CNTN5: variants seen among roughly 807,000 people sequenced by gnomAD.
CNTN5 encodes contactin-5.
CNTN5 carries 77 observed loss-of-function variants against 129.1 expected under a neutral mutation model. That is an observed-to-expected ratio of 0.60 (90% CI 0.50 to 0.72). The LOEUF is 0.72. Among genes scored for constraint, CNTN5 ranks in the 30% least tolerant of loss-of-function variants. The probability of loss-of-function intolerance (pLI) is 0.00; values close to 1 mark genes in which losing one functional copy is unlikely to be tolerated. For missense variants in CNTN5, 1,478 were observed against 1,328.8 expected (o/e 1.11, Z -1.75); for synonymous variants, 509 against 465.6 (o/e 1.09, Z -1.20).
chr11:100,264,078 G>GTA (rs1303454350), intron 17 of CNTN5, among the ~76,000 whole-genome samples: 91 of 151,700 alleles, frequency 6.0e-4, no homozygotes, highest in African/African-American at 2.1e-3. Context: ...ACATATGTGT[G>GTA]TATATATATA....
chr11:99,937,700 T>A (rs1476196092), intron 7 of CNTN5, among the ~76,000 whole-genome samples: 1 of 152,160 alleles, frequency 6.6e-6, no homozygotes, highest in East Asian at 1.9e-4. Context: ...ACATGAACTC[T>A]CTCTCAGCCT....
Position 100,151,791 on chromosome 11 carries a change from T to C in CNTN5, c.1581-39335T>C, listed in dbSNP as rs544183683. ...AAGACTGACTGCTACTTATACTTTTTTTGTATACTTAAAGTATTTTGAAAT... is the reference window on the plus strand; with the variant it reads ...AAGACTGACTGCTACTTATACTTTTCTTGTATACTTAAAGTATTTTGAAAT... On this transcript the variant is annotated intron_variant, in intron 13 of 24. Coordinates refer to ENST00000524871, the MANE Select transcript of CNTN5 (RefSeq NM_014361.4). Among the ~76,000 whole-genome samples, 9 of 152,314 alleles carry C rather than the reference T, an allele frequency of 5.9e-5. No homozygotes were observed. The East Asian group carries it at 1.7e-3, about 29-fold the overall frequency.
chr11:99,099,121 C>T (rs1024372131), intron 1 of CNTN5, among the ~76,000 whole-genome samples: 1 of 152,078 alleles, frequency 6.6e-6, no homozygotes, highest in Non-Finnish European at 1.5e-5. Context: ...ATGTCAATTA[C>T]ATTGCACAGA....
chr11:99,832,409 T>A (rs1254623648), intron 4 of CNTN5, among the ~76,000 whole-genome samples: 1 of 152,112 alleles, frequency 6.6e-6, no homozygotes, highest in Non-Finnish European at 1.5e-5. Context: ...CTTTTATATC[T>A]GTACGAAAGT....
chr11:99,575,388 G>A (rs1162125584), intron 3 of CNTN5, among the ~76,000 whole-genome samples: 1 of 152,110 alleles, frequency 6.6e-6, no homozygotes, highest in East Asian at 1.9e-4. Flanking sequence ...CTCGGAATAG[G>A]TACCAGAGGA....
At chr11:99,597,278 T>C (rs1950155503) in intron 3 of CNTN5, among the ~76,000 whole-genome samples, 1 of 152,180 alleles carries the variant, frequency 6.6e-6, no homozygotes, top group Non-Finnish European at 1.5e-5. Context: ...CTCACCCCTG[T>C]AGCAAGTCGT....
intron 3 of CNTN5, among the ~76,000 whole-genome samples, chr11:99,812,260 C>A (rs1225067757): frequency 6.6e-6 from 1 of 151,964 alleles, no homozygotes; most frequent in Non-Finnish European, 1.5e-5. Flanking sequence ...TGGGAATACA[C>A]CTGTTAGGAA....
At chr11:100,156,018 T>C (rs939263220) in intron 13 of CNTN5, among the ~76,000 whole-genome samples, 2 of 152,102 alleles carry the variant, frequency 1.3e-5, no homozygotes, top group Non-Finnish European at 2.9e-5. Flanking sequence ...CTTACTGCCC[T>C]GGAGAGAGCT....
At chr11:99,381,240 G>A (rs1374315547) in intron 2 of CNTN5, among the ~76,000 whole-genome samples, 1 of 152,114 alleles carries the variant, frequency 6.6e-6, no homozygotes, top group African/African-American at 2.4e-5. Context: ...AGGGACAAGA[G>A]GATCATTAGG....
intron 2 of CNTN5, among the ~76,000 whole-genome samples, chr11:99,363,021 A>T (rs1939218563): frequency 6.6e-6 from 1 of 151,776 alleles, no homozygotes; most frequent in Non-Finnish European, 1.5e-5. Flanking sequence ...TTCCATGTGA[A>T]TTTTTTGATG....
chr11:99,085,394 T>C (rs1865966221), intron 1 of CNTN5, among the ~76,000 whole-genome samples: 1 of 152,186 alleles, frequency 6.6e-6, no homozygotes. Flanking sequence ...TTAAGATTAA[T>C]ATTACTTTGC....
At chr11:99,891,207 A>G (rs1296191886) in intron 6 of CNTN5, among the ~76,000 whole-genome samples, 1 of 152,182 alleles carries the variant, frequency 6.6e-6, no homozygotes, top group Non-Finnish European at 1.5e-5. Flanking sequence ...TTTATGTAAG[A>G]TAAGGGAATC....
rs1555081493 is a variant in CNTN5 at position 99,704,057 on chromosome 11, A to ATATG, written c.56-115486_56-115485insATGT. Among the ~76,000 whole-genome samples, 5 of 148,236 alleles carry ATATG rather than the reference A, an allele frequency of 3.4e-5. No homozygotes were observed. In the East Asian group the frequency reaches 7.9e-4, roughly 23 times the overall value. On this transcript the variant is annotated intron_variant, in intron 3 of 24. Transcript: ENST00000524871. ...TAATTATATGTGTGTATATATATAT[A>ATATG]TGTGTGTGTGTGTATGTGTGTGTGT...
chr11:99,300,287 C>T (rs760120082), intron 1 of CNTN5, among the ~76,000 whole-genome samples: 4 of 151,928 alleles, frequency 2.6e-5, no homozygotes, highest in East Asian at 1.9e-4. Context: ...TTTTGAAATA[C>T]GTTTCTTCTC....
At chr11:99,205,854 T>C (rs1327212360) in intron 1 of CNTN5, among the ~76,000 whole-genome samples, 3 of 152,184 alleles carry the variant, frequency 2.0e-5, no homozygotes, top group Admixed American at 2.0e-4. Flanking sequence ...AAAAGGCTCA[T>C]TGGAGGATTA....
At chr11:99,166,163 G>T (rs934546473) in intron 1 of CNTN5, among the ~76,000 whole-genome samples, 1 of 152,030 alleles carries the variant, frequency 6.6e-6, no homozygotes, top group Non-Finnish European at 1.5e-5. Flanking sequence ...CAGCACTTTG[G>T]GAGGCCAAAG....
chr11:99,296,281 A>C (rs554214080), intron 1 of CNTN5, among the ~76,000 whole-genome samples: 37 of 152,240 alleles, frequency 2.4e-4, no homozygotes, highest in Non-Finnish European at 5.3e-4. Context: ...CACCCTTCTC[A>C]GCTGTGAGAT....
At chr11:100,103,107 A>AT (rs1344537926) in intron 13 of CNTN5, among the ~76,000 whole-genome samples, 1 of 152,226 alleles carries the variant, frequency 6.6e-6, no homozygotes, top group Non-Finnish European at 1.5e-5. Flanking sequence ...CCTTCAACTC[A>AT]TTCTGCATGC....
At chr11:100,178,853 T>C (rs947430419) in intron 13 of CNTN5, among the ~76,000 whole-genome samples, 1 of 152,122 alleles carries the variant, frequency 6.6e-6, no homozygotes, top group East Asian at 1.9e-4. Context: ...ATTGAAGAAC[T>C]CTCCAGCTGA....
Sources: allele counts gnomAD v4.1 joint callset (sites outside exome capture counted in the v4.1 genomes callset), GRCh38; gene constraint gnomAD v4.1.1; transcripts MANE v1.5; gene names NCBI Gene and HGNC (gene_info 2026-07-23, HGNC 2026-07-21).